The following TLK1 variants were observed in gnomAD, a reference collection of about 807,000 sequenced individuals.
TLK1 encodes serine/threonine-protein kinase tousled-like 1.
Under a neutral mutation model 105.3 loss-of-function variants are expected in TLK1, and 24 were observed. That is an observed-to-expected ratio of 0.23 (90% confidence interval 0.17 to 0.32). The LOEUF is 0.32. Among genes scored for constraint, TLK1 ranks in the 10% least tolerant of loss-of-function variants. TLK1 has a pLI of 1.00. For missense variants in TLK1, 558 were observed against 910.5 expected, an observed-to-expected ratio of 0.61 and a Z score of 4.98; for synonymous variants, 321 against 310.4, an observed-to-expected ratio of 1.03 and a Z score of -0.36.
At chr2:171,153,340 C>T (rs953629303) in intron 1 of TLK1, among the ~76,000 whole-genome samples, 3 of 152,146 alleles carry the variant, frequency 2.0e-5, no homozygotes, top group African/African-American at 4.8e-5. Context: ...TAAACTTTAG[C>T]TATTACTGTT....
chr2:171,141,702 A>G (rs1691581559), intron 1 of TLK1, among the ~76,000 whole-genome samples: 1 of 152,138 alleles, frequency 6.6e-6, no homozygotes, highest in Admixed American at 6.5e-5. Flanking sequence ...ACTGCCAACC[A>G]AGATTTCTGT....
intron 1 of TLK1, among the ~76,000 whole-genome samples, chr2:171,206,201 T>C (rs1006093557): frequency 1.3e-5 from 2 of 152,224 alleles, no homozygotes; most frequent in Non-Finnish European, 2.9e-5. Context: ...CAGTAAGACA[T>C]TGTGTCATAG....
intron 18 of TLK1, among the ~76,000 whole-genome samples, chr2:170,998,093 C>CTATCTATCTATCTAT (rs1559331640): frequency 5.6e-5 from 2 of 35,404 alleles, no homozygotes; most frequent in Non-Finnish European, 1.5e-4. Context: ...TATCTATCTA[C>CTATCTATCTATCTAT]CTACCTACCT....
intron 1 of TLK1, among the ~76,000 whole-genome samples, chr2:171,127,794 T>C (rs767997367): frequency 1.9e-4 from 29 of 151,332 alleles, no homozygotes; most frequent in African/African-American, 6.0e-4. Flanking sequence ...CATCGGTCTG[T>C]TTTGTACTTT....
At chr2:171,212,793 T>TA (rs1186444459) in intron 1 of TLK1, among the ~76,000 whole-genome samples, 1 of 152,178 alleles carries the variant, frequency 6.6e-6, no homozygotes, top group Non-Finnish European at 1.5e-5. Context: ...TCAGGGGTCT[T>TA]TAGCAAGATA....
chr2:171,141,605 A>G (rs925905987), intron 1 of TLK1, among the ~76,000 whole-genome samples: 4 of 152,164 alleles, frequency 2.6e-5, no homozygotes, highest in African/African-American at 9.7e-5. Flanking sequence ...GAGCAACAGT[A>G]AGACTGATAG....
At chr2:171,027,593 G>A (rs996820470) in intron 12 of TLK1, among the ~76,000 whole-genome samples, 11 of 152,044 alleles carry the variant, frequency 7.2e-5, no homozygotes, top group African/African-American at 2.7e-4. Flanking sequence ...CATCACACAT[G>A]CAACAAATTA....
intron 3 of TLK1, among the ~76,000 whole-genome samples, chr2:171,079,016 C>T (rs2105472549): frequency 6.6e-6 from 1 of 152,322 alleles, no homozygotes; most frequent in South Asian, 2.1e-4. Flanking sequence ...TTTCACCATT[C>T]CTGCATATAG....
intron 18 of TLK1, among the ~76,000 whole-genome samples, chr2:170,999,364 G>A (rs1684246509): frequency 6.6e-6 from 1 of 152,182 alleles, no homozygotes; most frequent in Admixed American, 6.5e-5. Context: ...CATTTGTAAT[G>A]CAGTAAAAAG....
chr2:171,198,413 T>C (rs1056241642), intron 1 of TLK1, among the ~76,000 whole-genome samples: 27 of 152,294 alleles, frequency 1.8e-4, no homozygotes, highest in African/African-American at 6.5e-4. Flanking sequence ...GGAAAAATAA[T>C]GTAAAATATT....
At chr2:171,047,009 T>C (rs1301776898) in intron 10 of TLK1, among the ~76,000 whole-genome samples, 2 of 152,140 alleles carry the variant, frequency 1.3e-5, no homozygotes, top group African/African-American at 4.8e-5. Flanking sequence ...ATATAAGAAA[T>C]TTATGAGAAA....
At chr2:171,117,887 C>CAT (rs777646915) in intron 1 of TLK1, 30 bp from the exon 2 acceptor site, 1 of 1,463,312 alleles carries the variant, frequency 6.8e-7, no homozygotes, top group Non-Finnish European at 9.5e-7. Flanking sequence ...TATATGTACA[C>CAT]ATATATATGT....
intron 2 of TLK1, among the ~76,000 whole-genome samples, chr2:171,103,048 A>C (rs1466236656): frequency 6.6e-6 from 1 of 152,112 alleles, no homozygotes; most frequent in Non-Finnish European, 1.5e-5. Context: ...GAATGAAGTC[A>C]GCGTGAAGTG....
intron 1 of TLK1, among the ~76,000 whole-genome samples, chr2:171,216,956 A>AG (rs1693724936): frequency 6.6e-6 from 1 of 152,240 alleles, no homozygotes; most frequent in Admixed American, 6.5e-5. Flanking sequence ...TCTAACCCAC[A>AG]GAAGTATAAG....
At chr2:171,209,364 G>C (rs1404731312) in intron 1 of TLK1, among the ~76,000 whole-genome samples, 1 of 152,134 alleles carries the variant, frequency 6.6e-6, no homozygotes, top group Non-Finnish European at 1.5e-5. Context: ...AGTTAGGACT[G>C]CTAAATAAAT....
intron 18 of TLK1, among the ~76,000 whole-genome samples, chr2:171,002,649 T>C (rs1488504232): frequency 6.6e-6 from 1 of 152,112 alleles, no homozygotes; most frequent in Non-Finnish European, 1.5e-5. Flanking sequence ...TCCTTTTCTT[T>C]TGAGACATGT....
At chr2:171,030,708 T>G (rs2555926) in intron 11 of TLK1, among the ~76,000 whole-genome samples, 148,698 of 152,222 alleles carry the variant, frequency 0.98, 72,744 homozygotes, top group East Asian at 1. Flanking sequence ...TAGGCCATAG[T>G]ATGGGCTCAT....
At chr2:171,140,861 C>T (rs894443149) in intron 1 of TLK1, among the ~76,000 whole-genome samples, 3 of 152,030 alleles carry the variant, frequency 2.0e-5, no homozygotes, top group Non-Finnish European at 2.9e-5. Context: ...CACAGACTCT[C>T]GAATAAGTAT....
At chr2:171,160,966 A>AGCGGCGGCG (rs546390551), upstream of TLK1, 92 of 155,432 alleles carry the variant, frequency 5.9e-4, 1 homozygote, top group East Asian at 3.5e-3. The surrounding 1 kb of genome is among the most constrained non-coding windows in gnomAD (Gnocchi z 4.4). Flanking sequence ...CGCCTCCGGT[A>AGCGGCGGCG]GCGGCGGCGG....
Sources: gnomAD v4.1 joint callset for allele counts (sites outside exome capture counted in the v4.1 genomes callset) on GRCh38, gnomAD v4.1.1 for gene constraint, Gnocchi (gnomAD v3.1) non-coding constraint, MANE v1.5 for transcripts, NCBI Gene and HGNC (gene_info 2026-07-23, HGNC 2026-07-21) for gene names.